KPNA1: variants seen among roughly 807,000 people sequenced by gnomAD.
The protein encoded by KPNA1 is importin subunit alpha-5.
KPNA1 carries 10 observed loss-of-function variants against 70.5 expected under a neutral mutation model. The observed-to-expected ratio is 0.14, with a 90% CI of 0.09 to 0.24. KPNA1 has a LOEUF of 0.24. Ranked by LOEUF, KPNA1 falls within the 10% of genes least tolerant of loss-of-function variation. KPNA1 has a pLI of 1.00. For synonymous variants in KPNA1, 192 were observed against 221.9 expected, an observed-to-expected ratio of 0.87 and a Z score of 1.20; for missense variants, 397 against 637.9, an observed-to-expected ratio of 0.62 and a Z score of 4.07.
At chr3:122,484,670 AT>A (rs2076609256) in intron 2 of KPNA1, among the ~76,000 whole-genome samples, 1 of 151,452 alleles carries the variant, frequency 6.6e-6, no homozygotes, top group African/African-American at 2.4e-5. Flanking sequence ...AAAAAAATAA[AT>A]AAAATAAAGG....
At chr3:122,469,032 CAAT>C (rs2076412613) in intron 2 of KPNA1, among the ~76,000 whole-genome samples, 1 of 152,102 alleles carries the variant, frequency 6.6e-6, no homozygotes, top group South Asian at 2.1e-4. Flanking sequence ...ATATTTGACA[CAAT>C]AATGACTGAG....
At chr3:122,470,608 G>A (rs1389275561) in intron 2 of KPNA1, among the ~76,000 whole-genome samples, 2 of 151,840 alleles carry the variant, frequency 1.3e-5, no homozygotes, top group Admixed American at 1.3e-4. Flanking sequence ...ATGGAAGGGA[G>A]AAACAGGATT....
At chr3:122,462,213 GCAA>G (rs914821762) in intron 4 of KPNA1, among the ~76,000 whole-genome samples, 7 of 147,734 alleles carry the variant, frequency 4.7e-5, no homozygotes, top group Middle Eastern at 3.7e-3. Context: ...GTCAGAATAG[GCAA>G]CAACAACAAC....
intron 2 of KPNA1, among the ~76,000 whole-genome samples, chr3:122,469,960 G>C (rs547711289): frequency 6.6e-6 from 1 of 152,096 alleles, no homozygotes; most frequent in Non-Finnish European, 1.5e-5. Flanking sequence ...ATTTTTTTCA[G>C]AATACTAAGG....
At chr3:122,459,489 C>T in intron 5 of KPNA1, 2 of 985,436 alleles carry the variant, frequency 2.0e-6, no homozygotes, top group Non-Finnish European at 2.4e-6. Flanking sequence ...TAAGGTTCCT[C>T]ATTTGGTCCC....
chr3:122,496,746 C>T (rs555215511), intron 1 of KPNA1, 176 bp from the exon 2 acceptor site: 11 of 499,416 alleles, frequency 2.2e-5, no homozygotes, highest in Admixed American at 3.5e-5. Flanking sequence ...TCTGTCCACC[C>T]GGACTGGAGT....
intron 2 of KPNA1, among the ~76,000 whole-genome samples, chr3:122,494,719 G>T (rs1469653141): frequency 2.0e-5 from 3 of 151,986 alleles, no homozygotes; most frequent in Non-Finnish European, 4.4e-5. Flanking sequence ...GATTGCTTTC[G>T]GTAGTATATA....
intron 10 of KPNA1, among the ~76,000 whole-genome samples, chr3:122,438,437 A>G (rs2076018607): frequency 6.7e-6 from 1 of 150,222 alleles, no homozygotes; most frequent in African/African-American, 2.5e-5. Context: ...CCCAGGCTGG[A>G]GCGCAATGGC....
chr3:122,461,227 CA>C lies in KPNA1; in HGVS notation c.428del (p.Leu143ArgfsTer9). 1 of 1,598,294 alleles carries C rather than the reference CA, an allele frequency of 6.3e-7. No individual in the cohort carries two copies. Among genetic ancestry groups the C allele is most frequent in the Non-Finnish European group, 8.6e-7 (1 of 1,167,318 alleles). ...EFLKRKENCT[L>X]QFESAWVLTN... ...AATAAATAAAAATTATTCGCACCTG[CA>C]GTGTACAATTCTCTTTTCGTTTGAG... On this transcript the variant is annotated frameshift_variant, in exon 5 of 14. Transcript: ENST00000344337. LOFTEE classifies it high-confidence loss of function.
chr3:122,457,887 A>G (rs1359642749), intron 5 of KPNA1: 2 of 1,282,842 alleles, frequency 1.6e-6, no homozygotes, highest in South Asian at 2.5e-5. Context: ...CATCAGAAAA[A>G]TAAACCCAGA....
intron 5 of KPNA1, 29 bp from the exon 6 acceptor site, chr3:122,454,030 C>G (rs1180415241): frequency 6.8e-7 from 1 of 1,473,584 alleles, no homozygotes; most frequent in Non-Finnish European, 9.2e-7. Context: ...TTTTCATTAT[C>G]TTTTTAGAAT....
Position 122,448,447 on chromosome 3 carries a change from C to T in KPNA1, c.917+1127G>A, listed in dbSNP as rs1430348984. 4.6e-5 allele frequency among the ~76,000 whole-genome samples: 7 copies of T among 152,074 alleles called. No individual in the cohort carries two copies. The South Asian group carries it at 1.0e-3, about 22-fold the overall frequency. Reference sequence around the variant, plus strand: ...GATGAGTTCATATCCTTTGCAGGGACGTGGATGAAGCTGGAAACGATCATT... The same window carrying T: ...GATGAGTTCATATCCTTTGCAGGGATGTGGATGAAGCTGGAAACGATCATT... On this transcript the variant is annotated intron_variant, in intron 9 of 13. Transcript: ENST00000344337.
At chr3:122,474,949 G>A (rs983333082) in intron 2 of KPNA1, among the ~76,000 whole-genome samples, 1 of 152,106 alleles carries the variant, frequency 6.6e-6, no homozygotes, top group Non-Finnish European at 1.5e-5. Flanking sequence ...TCAGAAACAA[G>A]ACAAGGATGC....
intron 2 of KPNA1, among the ~76,000 whole-genome samples, chr3:122,472,963 C>T (rs1429707173): frequency 6.6e-6 from 1 of 152,056 alleles, no homozygotes. Flanking sequence ...CGCCTGTAAT[C>T]CCAGCAACTC....
At chr3:122,496,288 A>G in intron 2 of KPNA1, 149 bp downstream of exon 2, 1 of 596,908 alleles carries the variant, frequency 1.7e-6, no homozygotes, top group Non-Finnish European at 2.8e-6. Context: ...CCACTCCAAA[A>G]AAGTGTTGAT....
At chr3:122,440,714 G>C (rs569581774) in intron 10 of KPNA1, among the ~76,000 whole-genome samples, 10 of 152,146 alleles carry the variant, frequency 6.6e-5, no homozygotes, top group Non-Finnish European at 1.2e-4. Flanking sequence ...CTCTTCTGAA[G>C]TGTCTGAACT....
At chr3:122,459,783 A>G in intron 5 of KPNA1, 1 of 985,426 alleles carries the variant, frequency 1.0e-6, no homozygotes, top group South Asian at 4.7e-5. Flanking sequence ...CCTTTTCTGG[A>G]TTTCTTGTTT....
intron 2 of KPNA1, among the ~76,000 whole-genome samples, chr3:122,482,100 T>A (rs1015174878): frequency 2.0e-5 from 3 of 152,272 alleles, no homozygotes; most frequent in African/African-American, 7.2e-5. Context: ...GACTTCATCA[T>A]CATGTGAACA....
At chr3:122,494,796 A>G (rs559044880) in intron 2 of KPNA1, among the ~76,000 whole-genome samples, 2 of 152,216 alleles carry the variant, frequency 1.3e-5, no homozygotes, top group African/African-American at 2.4e-5. Flanking sequence ...TAAAATGAAC[A>G]TCGTGTTAAT....
Sources: gnomAD v4.1 joint callset for allele counts (sites outside exome capture counted in the v4.1 genomes callset) on GRCh38, gnomAD v4.1.1 for gene constraint, MANE v1.5 for transcripts, NCBI Gene and HGNC (gene_info 2026-07-23, HGNC 2026-07-21) for gene names.